ARHGEF7: variants seen among roughly 807,000 people sequenced by gnomAD.
ARHGEF7 encodes PAK-interacting exchange factor beta.
A neutral mutation model predicts 109.8 loss-of-function variants in ARHGEF7; 33 were observed. The observed-to-expected ratio is 0.30, with a 90% CI of 0.23 to 0.40. ARHGEF7 has a LOEUF of 0.40. Ranked by LOEUF, ARHGEF7 falls within the 10% of genes least tolerant of loss-of-function variation. ARHGEF7 has a pLI of 1.00. For synonymous variants in ARHGEF7, 458 were observed against 424.6 expected (o/e 1.08, Z -0.97); for missense variants, 938 against 1,098.5 (o/e 0.85, Z 2.07).
At chr13:111,210,150 G>A in intron 4 of ARHGEF7, 148 bp downstream of exon 4, 1 of 1,031,246 alleles carries the variant, frequency 9.7e-7, no homozygotes, top group Non-Finnish European at 1.4e-6. Flanking sequence ...CTGTAATCTG[G>A]TTTGGCATTT....
At chr13:111,264,933 G>A (rs1477365416) in intron 8 of ARHGEF7, among the ~76,000 whole-genome samples, 1 of 152,088 alleles carries the variant, frequency 6.6e-6, no homozygotes, top group African/African-American at 2.4e-5. Context: ...TGAAGGCCAT[G>A]TTTTATAAAA....
intron 1 of ARHGEF7, among the ~76,000 whole-genome samples, chr13:111,146,472 C>G (rs2075599143): frequency 1.3e-5 from 2 of 152,338 alleles, no homozygotes; most frequent in Non-Finnish European, 2.9e-5. Context: ...CATACACACA[C>G]ATGTGCACAC....
Position 111,266,690 on chromosome 13 carries a change from G to T in ARHGEF7, c.951-858G>T. ...AGGAATCCCTGGTGTTCATGTTTTT[G>T]GTCACTTTTTCTCTGGCTCCCATTC... is the stretch of plus-strand genomic sequence containing the variant. On this transcript the variant is annotated intron_variant, in intron 8 of 21. Transcript: ENST00000646102. This position sits in a 1 kb window ranked among gnomAD's most constrained non-coding sequence, Gnocchi z 4.8. 2.5e-6 allele frequency: 1 copy of T among 398,844 alleles called. No individual in the cohort carries two copies. The highest frequency in any genetic ancestry group is 1.8e-5 in the South Asian group (1 of 55,788). 24.7% of individuals were successfully genotyped at this position (398,844 alleles called of 1,614,324 possible).
intron 5 of ARHGEF7, among the ~76,000 whole-genome samples, chr13:111,218,397 T>C (rs1024255286): frequency 6.6e-6 from 1 of 152,162 alleles, no homozygotes; most frequent in South Asian, 2.1e-4. Flanking sequence ...TGTGTTCTTA[T>C]GAAAGAATAG....
chr13:111,211,945 C>G (rs1354783175), intron 4 of ARHGEF7, among the ~76,000 whole-genome samples: 1 of 152,118 alleles, frequency 6.6e-6, no homozygotes, highest in Non-Finnish European at 1.5e-5. Flanking sequence ...TTTGAGATTG[C>G]GTAAGACGCT....
rs554823128 is a variant in ARHGEF7, at chr13:111,191,766, A to G, written c.253-13523A>G. Among the ~76,000 whole-genome samples, 258 of 152,210 alleles carry G rather than the reference A, an allele frequency of 1.7e-3. 1 individual carries two copies. The highest frequency in any genetic ancestry group is 0.016 in the Admixed American group (246 of 15,292). ...GATAGATAGTCAAAGAGTAAATAGG[A>G]AGGTAAAGAGGGTGCTCTGGAAGAC... is the stretch of plus-strand genomic sequence containing the variant. On this transcript the variant is annotated intron_variant, in intron 2 of 21. Coordinates refer to ENST00000646102, the MANE Select transcript of ARHGEF7 (RefSeq NM_001354046.2).
At position 111,239,131 on chromosome 13, in the gene ARHGEF7, C is replaced by A. The variant is rs2087311295; in HGVS notation, c.760-4741C>A. On this transcript the variant is annotated intron_variant, in intron 6 of 21. Transcript: ENST00000646102. This position sits in a 1 kb window ranked among gnomAD's most constrained non-coding sequence, Gnocchi z 4.3. ...GAACGCGCTGCGTGCCCCTGCTCCC[C>A]CACACCCCCGTGCCATGATTCAGTT... 6.6e-6 allele frequency among the ~76,000 whole-genome samples: 1 copy of A among 152,126 alleles called. No individual in the cohort carries two copies. The highest frequency in any genetic ancestry group is 2.4e-5 in the African/African-American group (1 of 41,420).
rs940913971 is a variant in ARHGEF7, at chr13:111,199,356, C to G, written c.253-5933C>G. 6.8e-5 allele frequency among the ~76,000 whole-genome samples: 10 copies of G among 146,460 alleles called. No individual in the cohort carries two copies. The East Asian group carries it at 1.3e-3, about 20-fold the overall frequency. On this transcript the variant is annotated intron_variant, in intron 2 of 21. Transcript: ENST00000646102. ...CTCTTAGAACTTTTGTCTGCTGAAG[C>G]CTTTTTATTTTAGAATAATACTCTT... is the stretch of plus-strand genomic sequence containing the variant.
At chr13:111,154,773 C>G (rs914118439) in intron 2 of ARHGEF7, among the ~76,000 whole-genome samples, 1 of 152,184 alleles carries the variant, frequency 6.6e-6, no homozygotes, top group Admixed American at 6.5e-5. Flanking sequence ...ATACAGAAAT[C>G]TAGCTTTGCT....
rs557976484 is a variant in ARHGEF7, at chr13:111,249,482, G to C, written c.950+5188G>C. On this transcript the variant is annotated intron_variant, in intron 8 of 21. Coordinates refer to ENST00000646102, the MANE Select transcript of ARHGEF7 (RefSeq NM_001354046.2). The stretch of plus-strand genomic sequence containing the variant: ...AGGGAGGCTGGGGAGCAGTGAGGCA[G>C]ATGCTTAAACATTGTTGTGAGCCTC... 6.6e-5 allele frequency among the ~76,000 whole-genome samples: 10 copies of C among 152,092 alleles called. No homozygotes were observed. In the South Asian group the frequency reaches 2.1e-3, roughly 32 times the overall value.
rs1473834975 is a variant in ARHGEF7 at position 111,153,599 on chromosome 13, T to C, written c.166-306T>C. On this transcript the variant is annotated intron_variant, in intron 1 of 21. Coordinates refer to ENST00000646102, the MANE Select transcript of ARHGEF7 (RefSeq NM_001354046.2). The stretch of plus-strand genomic sequence containing the variant: ...CCGCGGGGGCGAACACCCGACGCTA[T>C]CCGAAGACGTCCCGCGCGGGCCGGC... 6.2e-6 allele frequency: 7 copies of C among 1,137,154 alleles called. 1 individual carries two copies. In the South Asian group the frequency reaches 1.3e-4, roughly 21 times the overall value. The allele number at this position is 1,137,154 out of a possible 1,614,324, so 70.4% of individuals were successfully genotyped here. A position where few individuals can be genotyped will look rare whatever the true frequency, so the allele number is the denominator to read the frequency against.
intron 1 of ARHGEF7, among the ~76,000 whole-genome samples, chr13:111,141,576 G>T (rs1308833096): frequency 6.6e-6 from 1 of 151,942 alleles, no homozygotes; most frequent in African/African-American, 2.4e-5. Flanking sequence ...AACACATTCT[G>T]TAGCCTTTCT....
chr13:111,208,809 GC>G (rs1317518887), intron 3 of ARHGEF7, among the ~76,000 whole-genome samples: 1 of 152,140 alleles, frequency 6.6e-6, no homozygotes, highest in Admixed American at 6.5e-5. Context: ...GGAGTAGCAA[GC>G]CCCCATCTGT....
rs2086845518 is a variant in ARHGEF7, at chr13:111,236,441, T to G, written c.759+3148T>G. On this transcript the variant is annotated intron_variant, in intron 6 of 21. Coordinates refer to ENST00000646102, the MANE Select transcript of ARHGEF7 (RefSeq NM_001354046.2). ...GAAAACTGGATATCTTAGACCTATT[T>G]TAGCAGCTCTGGATGCTTGAAATCC... is the stretch of plus-strand genomic sequence containing the variant. Among the ~76,000 whole-genome samples the G allele has an allele frequency of 2.0e-5, 3 of 152,346 alleles. No homozygotes were observed. The South Asian group carries it at 6.2e-4, about 32-fold the overall frequency.
intron 2 of ARHGEF7, among the ~76,000 whole-genome samples, chr13:111,200,578 T>TG (rs1327388488): frequency 6.6e-6 from 1 of 152,182 alleles, no homozygotes; most frequent in African/African-American, 2.4e-5. Context: ...CACCCACAGC[T>TG]GTGTGGAGAC....
At chr13:111,205,437 T>A (rs1014423025) in intron 3 of ARHGEF7, 64 bp downstream of exon 3, 1 of 1,228,268 alleles carries the variant, frequency 8.1e-7, no homozygotes, top group African/African-American at 1.6e-5. Context: ...CCTTTGGTTT[T>A]CTTGTTTTAC....
chr13:111,239,814 G>A lies in ARHGEF7; in HGVS notation c.760-4058G>A, dbSNP rs779776959. ...AAGATGATACAGATGAAGGTTGTCA[G>A]GTAGGCACTAGTGGAATGCTGACAC... On this transcript the variant is annotated intron_variant, in intron 6 of 21. Transcript: ENST00000646102. The surrounding 1 kb of genome is among the most constrained non-coding windows in gnomAD (Gnocchi z 4.3). Among the ~76,000 whole-genome samples, 3 of 152,096 alleles carry A rather than the reference G, an allele frequency of 2.0e-5. No individual in the cohort carries two copies. Among genetic ancestry groups the A allele is most frequent in the Admixed American group, 6.5e-5 (1 of 15,270 alleles).
At chr13:111,290,256 A>ATT (rs1031851827) in intron 18 of ARHGEF7, among the ~76,000 whole-genome samples, 10 of 152,246 alleles carry the variant, frequency 6.6e-5, no homozygotes, top group Non-Finnish European at 4.4e-5. Flanking sequence ...GCATTTGTGA[A>ATT]TTCAACCAAC....
chr13:111,117,563 T>C (rs1255203599), intron 1 of ARHGEF7, among the ~76,000 whole-genome samples: 3 of 152,256 alleles, frequency 2.0e-5, no homozygotes, highest in African/African-American at 7.2e-5. Flanking sequence ...AGGTAGGTTT[T>C]TGGAGTAAAA....
Sources: gnomAD v4.1 joint callset for allele counts (sites outside exome capture counted in the v4.1 genomes callset) on GRCh38, gnomAD v4.1.1 for gene constraint, Gnocchi (gnomAD v3.1) non-coding constraint, MANE v1.5 for transcripts, NCBI Gene and HGNC (gene_info 2026-07-23, HGNC 2026-07-21) for gene names.